CDH1: variants seen among roughly 807,000 people sequenced by gnomAD.
CDH1 encodes cadherin 1.
In CDH1, 35 loss-of-function variants were observed where a neutral mutation model predicts 84.5. The ratio of observed to expected loss-of-function variants is 0.41; its 90% CI spans 0.32 to 0.55. The LOEUF is 0.55. CDH1 is among the 20% of genes least tolerant of loss of function. CDH1 has a pLI of 0.19. For synonymous variants in CDH1, 417 were observed against 439.0 expected, an observed-to-expected ratio of 0.95 and a Z score of 0.63; for missense variants, 994 against 1,126.6, an observed-to-expected ratio of 0.88 and a Z score of 1.68.
In CDH1 at chr16:68,833,355, T is replaced by C. The variant is rs786202613; in HGVS notation, c.2505T>C (p.Tyr835=). 3 of 1,614,206 alleles carry C rather than the reference T, an allele frequency of 1.9e-6. No homozygotes were observed. Among genetic ancestry groups the C allele is most frequent in the African/African-American group, 1.3e-5 (1 of 75,052 alleles). ...PPYDSLLVFD[Y]EGSGSEAASL... is the part of the protein sequence containing the mutation. ...ATGATTCTCTGCTCGTGTTTGACTA[T>C]GAAGGAAGCGGTTCCGAAGCTGCTA... Residue 835 remains tyrosine (Y), a synonymous_variant, in exon 16 of 16, where the codon TAT becomes TAC. Coordinates refer to ENST00000261769, the MANE Select transcript of CDH1 (RefSeq NM_004360.5).
At chr16:68,782,137 C>T (rs1481277868) in intron 2 of CDH1, among the ~76,000 whole-genome samples, 1 of 152,170 alleles carries the variant, frequency 6.6e-6, no homozygotes, top group Non-Finnish European at 1.5e-5. Context: ...CCTTCTGGCT[C>T]CACAGGCACC....
intron 14 of CDH1, among the ~76,000 whole-genome samples, chr16:68,829,412 A>G (rs1961416568): frequency 6.6e-6 from 1 of 152,086 alleles, no homozygotes; most frequent in South Asian, 2.1e-4. Flanking sequence ...GAAAATTAGT[A>G]AGGCACACAG....
chr16:68,805,479 G>T (rs1441977166), intron 3 of CDH1, among the ~76,000 whole-genome samples: 1 of 152,170 alleles, frequency 6.6e-6, no homozygotes, highest in East Asian at 1.9e-4. Context: ...TGTCAGCAAG[G>T]CATGCATGTT....
chr16:68,769,878 C>A (rs912092949), intron 2 of CDH1, among the ~76,000 whole-genome samples: 3 of 151,762 alleles, frequency 2.0e-5, no homozygotes, highest in Non-Finnish European at 4.4e-5. Flanking sequence ...CGGGGTTTCA[C>A]CGTGTTAGCC....
intron 2 of CDH1, among the ~76,000 whole-genome samples, chr16:68,739,519 C>T (rs1252508339): frequency 6.6e-6 from 1 of 152,060 alleles, no homozygotes; most frequent in Non-Finnish European, 1.5e-5. Context: ...TCTGTCTCAG[C>T]CTCTCAAAGT....
At chr16:68,742,422 G>C (rs1962594628) in intron 2 of CDH1, 1 of 153,914 alleles carries the variant, frequency 6.5e-6, no homozygotes, top group Non-Finnish European at 1.4e-5. Context: ...TGGGACTACA[G>C]GTGTGTGCCT....
At chr16:68,825,091 T>TA (rs1961283576) in intron 13 of CDH1, among the ~76,000 whole-genome samples, 1 of 151,844 alleles carries the variant, frequency 6.6e-6, no homozygotes, top group African/African-American at 2.4e-5. Context: ...AAAATAAAAA[T>TA]AAAAAATACA....
At chr16:68,827,813 A>G (rs1961360722) in intron 13 of CDH1, among the ~76,000 whole-genome samples, 1 of 151,290 alleles carries the variant, frequency 6.6e-6, no homozygotes, top group Non-Finnish European at 1.5e-5. Context: ...TGGCCTCCTC[A>G]CCTTCCCTCC....
At chr16:68,810,467 C>A (rs886360611) in intron 6 of CDH1, 126 bp downstream of exon 6, 50 of 858,762 alleles carry the variant, frequency 5.8e-5, no homozygotes, top group East Asian at 3.0e-4. Context: ...AACTTCTTGG[C>A]AAGCCATTGT....
intron 10 of CDH1, among the ~76,000 whole-genome samples, chr16:68,818,798 C>A (rs1203815505): frequency 1.4e-5 from 2 of 142,076 alleles, no homozygotes; most frequent in Non-Finnish European, 1.5e-5. Flanking sequence ...TGCAGCGAGC[C>A]GACATCGCGC....
intron 2 of CDH1, among the ~76,000 whole-genome samples, chr16:68,779,835 G>C (rs1477939873): frequency 6.6e-6 from 1 of 152,002 alleles, no homozygotes; most frequent in African/African-American, 2.4e-5. Flanking sequence ...CCTGGCAACA[G>C]ATGAGTGCTG....
intron 2 of CDH1, among the ~76,000 whole-genome samples, chr16:68,761,438 C>G (rs1413322441): frequency 6.6e-6 from 1 of 152,206 alleles, no homozygotes; most frequent in Non-Finnish European, 1.5e-5. Context: ...ATCCTCCATT[C>G]GTTTGTTCAG....
rs1555509828 is a variant in CDH1 at position 68,738,936 on chromosome 16, CTT to C, written c.163+552_163+553del. ...TGGCTTTTGTTTACAGATATAAAAGCTTTTTTTTTTTTTTTTTTTTTTTTTTT... is the reference window on the plus strand; with the variant it reads ...TGGCTTTTGTTTACAGATATAAAAGCTTTTTTTTTTTTTTTTTTTTTTTTT... On this transcript the variant is annotated intron_variant, in intron 2 of 15. Transcript: ENST00000261769. 5.3e-3 allele frequency among the ~76,000 whole-genome samples: 61 copies of C among 11,436 alleles called. 1 individual carries two copies. The highest frequency in any genetic ancestry group is 0.011 in the Non-Finnish European group (47 of 4,330). 7.5% of individuals were successfully genotyped at this position (11,436 alleles called of 152,430 possible). A position where few individuals can be genotyped will look rare whatever the true frequency, so the allele number is the denominator to read the frequency against.
intron 13 of CDH1, among the ~76,000 whole-genome samples, chr16:68,826,198 A>G (rs1178321307): frequency 6.6e-6 from 1 of 151,920 alleles, no homozygotes; most frequent in Non-Finnish European, 1.5e-5. Context: ...ATGGGTATGT[A>G]TTTTTTTAGA....
chr16:68,813,233 A>G, intron 8 of CDH1, 80 bp from the exon 9 acceptor site: 1 of 1,384,276 alleles, frequency 7.2e-7, no homozygotes, highest in Non-Finnish European at 1.0e-6. Flanking sequence ...ACAAAAAAAG[A>G]GGAATCCTTT....
chr16:68,784,119 T>C (rs1281271595), intron 2 of CDH1, among the ~76,000 whole-genome samples: 1 of 152,148 alleles, frequency 6.6e-6, no homozygotes, highest in Non-Finnish European at 1.5e-5. Flanking sequence ...CCTGATGCAA[T>C]GTGTGAGTCC....
intron 2 of CDH1, among the ~76,000 whole-genome samples, chr16:68,743,286 T>A (rs564614378): frequency 3.3e-4 from 1 of 3,014 alleles, no homozygotes; most frequent in African/African-American, 1.3e-3. Context: ...TGGGTCTCTT[T>A]CTTTCTTTCT....
At chr16:68,788,841 A>C (rs1033593589) in intron 2 of CDH1, among the ~76,000 whole-genome samples, 5 of 152,130 alleles carry the variant, frequency 3.3e-5, no homozygotes, top group African/African-American at 4.8e-5. Flanking sequence ...TCCTAAAAAA[A>C]ACAAAAAACA....
At chr16:68,814,946 C>T (rs995734095) in intron 9 of CDH1, among the ~76,000 whole-genome samples, 1 of 150,442 alleles carries the variant, frequency 6.6e-6, no homozygotes, top group Non-Finnish European at 1.5e-5. Flanking sequence ...AAAAAGATGG[C>T]CGGGTGCAGT....
Sources: allele counts gnomAD v4.1 joint callset (sites outside exome capture counted in the v4.1 genomes callset), GRCh38; gene constraint gnomAD v4.1.1; transcripts MANE v1.5; gene names NCBI Gene and HGNC (gene_info 2026-07-23, HGNC 2026-07-21).